Variants in HCN2 observed in about 807,000 individuals in gnomAD.
HCN2 encodes the protein potassium/sodium hyperpolarization-activated cyclic nucleotide-gated channel 2.
Under a neutral mutation model 52.3 loss-of-function variants are expected in HCN2, and 20 were observed. That is an observed-to-expected ratio of 0.38 (90% CI 0.27 to 0.56). The LOEUF (loss-of-function observed/expected upper bound fraction) is 0.56, where lower values mean the gene tolerates loss of function less well. Among genes scored for constraint, HCN2 ranks in the 20% least tolerant of loss-of-function variants. HCN2 has a pLI of 0.71. For missense variants in HCN2, 981 were observed against 1,207.7 expected, an observed-to-expected ratio of 0.81 and a Z score of 2.78; for synonymous variants, 694 against 537.0, an observed-to-expected ratio of 1.29 and a Z score of -4.04.
rs377406500 is a variant in HCN2, at chr19:605,048, C to G, written c.1057-13C>G. 2 of 1,605,430 alleles carry G rather than the reference C, an allele frequency of 1.2e-6. No individual in the cohort carries two copies. Among genetic ancestry groups the G allele is most frequent in the Non-Finnish European group, 1.7e-6 (2 of 1,175,598 alleles). ...GTCAGCGGGTAGGGTGGGCTCACGG[C>G]GCCTTCCTGCAGATCTTCCACATGA... On this transcript the variant is annotated splice_polypyrimidine_tract_variant and intron_variant, in intron 2 of 7. Transcript: ENST00000251287.
intron 5 of HCN2, among the ~76,000 whole-genome samples, chr19:612,287 G>A (rs1160894053): frequency 6.6e-6 from 1 of 152,186 alleles, no homozygotes; most frequent in African/African-American, 2.4e-5. Context: ...TTTGCTAAGG[G>A]GAATTGCCCT....
chr19:615,781 CCCCTCT>C lies in HCN2; in HGVS notation c.1991-10_1991-5del. 6.2e-7 allele frequency: 1 copy of C among 1,610,362 alleles called. No homozygotes were observed. Among genetic ancestry groups the C allele is most frequent in the Admixed American group, 1.7e-5 (1 of 59,860 alleles). On this transcript the variant is annotated splice_region_variant and splice_polypyrimidine_tract_variant and intron_variant, in intron 7 of 7. Transcript: ENST00000251287. ...GCGCTCCCTGTGCACACGCTAACGC[CCCCTCT>C]CCCGCAGGCAAGAAGAATTCCATCC...
At chr19:602,318 A>G (rs1209143324) in intron 1 of HCN2, among the ~76,000 whole-genome samples, 2 of 64,408 alleles carry the variant, frequency 3.1e-5, no homozygotes, top group Non-Finnish European at 6.0e-5. Context: ...TGGACGCCCC[A>G]CTCCCTCCTC....
chr19:601,129 A>G (rs1600522607), intron 1 of HCN2, among the ~76,000 whole-genome samples: 1 of 152,248 alleles, frequency 6.6e-6, no homozygotes, highest in African/African-American at 2.4e-5. Context: ...CCTGACCAAC[A>G]TGGTGAAACC....
Position 616,358 on chromosome 19 carries a change from C to A in HCN2, c.2554C>A (p.Pro852Thr). ...SSSTPRLGPT[P>T]AARAAAPSPD... The stretch of plus-strand genomic sequence containing the variant: ...CTCCACACCGCGCTTGGGGCCCACG[C>A]CCGCTGCCCGGGCCGCCGCGCCCAG... Residue 852 changes from proline (P) to threonine (T), a missense_variant, in exon 8 of 8, where the codon CCC becomes ACC. By Grantham distance (38) the Pro-to-Thr change is conservative (BLOSUM62 -1). Transcript: ENST00000251287. 2 of 1,216,324 alleles carry A rather than the reference C, an allele frequency of 1.6e-6. No individual in the cohort carries two copies. Among genetic ancestry groups the A allele is most frequent in the Non-Finnish European group, 2.1e-6 (2 of 966,880 alleles). The allele number at this position is 1,216,324 out of a possible 1,614,324, so 75.3% of individuals were successfully genotyped here. A position where few individuals can be genotyped will look rare whatever the true frequency, so the allele number is the denominator to read the frequency against.
At chr19:593,512 C>G (rs982290359) in intron 1 of HCN2, among the ~76,000 whole-genome samples, 2 of 152,074 alleles carry the variant, frequency 1.3e-5, no homozygotes, top group Non-Finnish European at 2.9e-5. Flanking sequence ...CCCAGCTACT[C>G]GGGAGGCTGA....
Position 608,101 on chromosome 19 carries a change from C to G in HCN2, c.1356C>G (p.Ala452=). ...CCATGCTCAGCATGATTGTGGGTGCCACCTGCTACGCCATGTTCATCGGCC... is the reference window on the plus strand; with the variant it reads ...CCATGCTCAGCATGATTGTGGGTGCGACCTGCTACGCCATGTTCATCGGCC... ...WLTMLSMIVG[A]TCYAMFIGHA... Residue 452 remains alanine, a synonymous_variant, in exon 4 of 8, where the codon GCC becomes GCG. Transcript: ENST00000251287. 1 of 1,613,344 alleles carries G rather than the reference C, an allele frequency of 6.2e-7. No individual in the cohort carries two copies.
chr19:607,866 C>T, intron 3 of HCN2, 98 bp from the exon 4 acceptor site: 1 of 842,442 alleles, frequency 1.2e-6, no homozygotes, highest in East Asian at 2.7e-5. Context: ...CTCACCACCT[C>T]CAGTGCTTGG....
At position 590,517 on chromosome 19, in the gene HCN2, G is replaced by T; in HGVS notation, c.572G>T (p.Arg191Leu). 1 of 1,514,994 alleles carries T rather than the reference G, an allele frequency of 6.6e-7. No homozygotes were observed. Among genetic ancestry groups the T allele is most frequent in the South Asian group, 1.2e-5 (1 of 82,066 alleles). 93.8% of individuals were successfully genotyped at this position (1,514,994 alleles called of 1,614,324 possible). A position where few individuals can be genotyped will look rare whatever the true frequency, so the allele number is the denominator to read the frequency against. Residue 191 changes from arginine to leucine, a missense_variant, in exon 1 of 8, where the codon CGC (arginine) becomes CTC (leucine). By Grantham distance (102) the Arg-to-Leu change is moderately radical. This residue lies in a region of HCN2 where 23 missense variants were observed against 20.3 expected (regional missense o/e 1.13). Coordinates refer to ENST00000251287, the MANE Select transcript of HCN2 (RefSeq NM_001194.4). The surrounding 1 kb of genome is among the most constrained non-coding windows in gnomAD (Gnocchi z 7.2). The part of the protein sequence containing the change: ...RMFGSQKAVE[R>L]EQERVKSAGA... ...TTCGGCAGCCAGAAGGCCGTGGAGC[G>T]CGAGCAGGAGCGCGTCAAGTCGGCG...
chr19:607,839 C>A, intron 3 of HCN2, 125 bp from the exon 4 acceptor site: 1 of 672,342 alleles, frequency 1.5e-6, no homozygotes, highest in Non-Finnish European at 2.6e-6. Flanking sequence ...CTCTTGGTTA[C>A]CTCTGAACAT....
chr19:613,778 G>A (rs1396667467), intron 6 of HCN2, 74 bp from the exon 7 acceptor site: 19 of 1,395,432 alleles, frequency 1.4e-5, no homozygotes, highest in South Asian at 3.2e-5. Context: ...TGCAGAGGCC[G>A]GGCCGTGTGC....
At chr19:614,983 G>C (rs1008815453) in intron 7 of HCN2, among the ~76,000 whole-genome samples, 3 of 152,114 alleles carry the variant, frequency 2.0e-5, no homozygotes, top group African/African-American at 7.2e-5. Context: ...ACAGTAGGAA[G>C]CTCTCCACAA....
At chr19:601,950 G>C (rs1003481058) in intron 1 of HCN2, among the ~76,000 whole-genome samples, 2 of 152,010 alleles carry the variant, frequency 1.3e-5, no homozygotes, top group Non-Finnish European at 2.9e-5. Context: ...ACGCCCTCTG[G>C]TCTCTTGTCC....
intron 4 of HCN2, 35 bp downstream of exon 4, chr19:608,217 T>TG: frequency 1.9e-6 from 3 of 1,583,032 alleles, no homozygotes; most frequent in Non-Finnish European, 2.6e-6. Context: ...TGGGTTCTGA[T>TG]GGGGGAGGCG....
chr19:609,797 A>G (rs187283782), intron 4 of HCN2, among the ~76,000 whole-genome samples: 11 of 152,216 alleles, frequency 7.2e-5, no homozygotes, highest in African/African-American at 2.6e-4. Context: ...GCTACTCAGG[A>G]GGCTGAGGTG....
At chr19:610,497 G>T in intron 5 of HCN2, 92 bp downstream of exon 5, 2 of 1,152,926 alleles carry the variant, frequency 1.7e-6, no homozygotes, top group South Asian at 1.3e-5. Flanking sequence ...TGAGGGAGGC[G>T]AGGTGCCTAG....
In HCN2 at chr19:616,642, C is replaced by T. The variant is rs954767778; in HGVS notation, c.*168C>T. The T allele has an allele frequency of 3.1e-5, 9 of 293,904 alleles. No homozygotes were observed. The highest frequency in any genetic ancestry group is 1.4e-4 in the South Asian group (1 of 7,116). 18.2% of individuals were successfully genotyped at this position (293,904 alleles called of 1,614,324 possible). On this transcript the variant is annotated 3_prime_UTR_variant, in exon 8 of 8. Transcript: ENST00000251287. The stretch of plus-strand genomic sequence containing the variant: ...GCAGGGCCGGCGGGGCAGCCCCCTC[C>T]GCGCCCCCGGCCGTCCCCCCTCATC...
intron 4 of HCN2, among the ~76,000 whole-genome samples, chr19:609,591 C>A (rs374812589): frequency 6.6e-6 from 1 of 152,192 alleles, no homozygotes; most frequent in South Asian, 2.1e-4. Flanking sequence ...CACGGCGAGA[C>A]CTCATCGCTA....
At chr19:607,888 C>G in intron 3 of HCN2, 76 bp from the exon 4 acceptor site, 1 of 1,118,052 alleles carries the variant, frequency 8.9e-7, no homozygotes, top group Non-Finnish European at 1.3e-6. Flanking sequence ...AGAGGGTGGG[C>G]GCTGGGCCCT....
Sources: allele counts gnomAD v4.1 joint callset (sites outside exome capture counted in the v4.1 genomes callset), GRCh38; gene constraint gnomAD v4.1.1; regional missense constraint gnomAD v4.1.1; non-coding constraint Gnocchi (gnomAD v3.1); transcripts MANE v1.5; gene names NCBI Gene and HGNC (gene_info 2026-07-23, HGNC 2026-07-21).